MPPED2: variants seen among roughly 807,000 people sequenced by gnomAD.
MPPED2 encodes the protein metallophosphoesterase domain containing 2, also known as metallophosphoesterase MPPED2.
A neutral mutation model predicts 33.0 loss-of-function variants in MPPED2; 5 were observed. The ratio of observed to expected loss-of-function variants is 0.15; its 90% CI spans 0.08 to 0.32. The LOEUF is 0.32. Among genes scored for constraint, MPPED2 ranks in the 10% least tolerant of loss-of-function variants. MPPED2 has a pLI of 1.00. For synonymous variants in MPPED2, 136 were observed against 141.9 expected, an observed-to-expected ratio of 0.96 and a Z score of 0.29; for missense variants, 275 against 372.1, an observed-to-expected ratio of 0.74 and a Z score of 2.15.
At chr11:30,528,706 G>T (rs541501566) in intron 3 of MPPED2, among the ~76,000 whole-genome samples, 1 of 152,192 alleles carries the variant, frequency 6.6e-6, no homozygotes, top group South Asian at 2.1e-4. Context: ...TGATCCTTAG[G>T]CTTCAACCTC....
At chr11:30,497,132 A>C (rs1026059924) in intron 3 of MPPED2, among the ~76,000 whole-genome samples, 28 of 152,220 alleles carry the variant, frequency 1.8e-4, no homozygotes, top group Non-Finnish European at 2.9e-4. Context: ...GAGTTCAAAA[A>C]AGAATAGGAA....
At chr11:30,506,199 G>A (rs961414586) in intron 3 of MPPED2, among the ~76,000 whole-genome samples, 4 of 151,876 alleles carry the variant, frequency 2.6e-5, no homozygotes, top group Non-Finnish European at 5.9e-5. Flanking sequence ...CACCACCCCC[G>A]GCTAATTTTT....
chr11:30,463,711 A>T (rs1377278267), intron 4 of MPPED2, among the ~76,000 whole-genome samples: 1 of 152,244 alleles, frequency 6.6e-6, no homozygotes, highest in Non-Finnish European at 1.5e-5. Flanking sequence ...CTCTAAAGCC[A>T]TATCTACCTT....
intron 6 of MPPED2, among the ~76,000 whole-genome samples, chr11:30,396,210 G>C (rs1425544516): frequency 6.6e-6 from 1 of 152,088 alleles, no homozygotes; most frequent in African/African-American, 2.4e-5. Context: ...ATTCATTCAT[G>C]GACAATATAA....
intron 5 of MPPED2, among the ~76,000 whole-genome samples, chr11:30,416,980 T>TC (rs1948395080): frequency 6.6e-6 from 1 of 152,208 alleles, no homozygotes; most frequent in East Asian, 1.9e-4. Flanking sequence ...AGGGTAAGTA[T>TC]CCTTAAGTAA....
At chr11:30,446,631 T>C (rs1453069901) in intron 4 of MPPED2, among the ~76,000 whole-genome samples, 3 of 152,032 alleles carry the variant, frequency 2.0e-5, no homozygotes. Context: ...CAGAGCCTGC[T>C]CAGTAAAGCA....
chr11:30,522,653 A>C (rs1003886807), intron 3 of MPPED2, among the ~76,000 whole-genome samples: 3 of 152,094 alleles, frequency 2.0e-5, no homozygotes, highest in African/African-American at 7.2e-5. Flanking sequence ...CTTGGGCTCC[A>C]CTCCACTTTC....
At chr11:30,515,060 A>G (rs1027776412) in intron 3 of MPPED2, among the ~76,000 whole-genome samples, 2 of 152,164 alleles carry the variant, frequency 1.3e-5, no homozygotes, top group African/African-American at 4.8e-5. Flanking sequence ...GCACCACTGC[A>G]CTCCAGCCTG....
intron 4 of MPPED2, among the ~76,000 whole-genome samples, chr11:30,447,152 C>T (rs1241560824): frequency 1.3e-5 from 2 of 152,284 alleles, no homozygotes; most frequent in South Asian, 2.1e-4. Flanking sequence ...TCCCCTGCCC[C>T]GCAGTGCCTG....
intron 1 of MPPED2, among the ~76,000 whole-genome samples, chr11:30,582,733 C>T (rs12287499): frequency 0.044 from 6,686 of 152,234 alleles, 242 homozygotes; most frequent in African/African-American, 0.09. Context: ...CTACATGGTC[C>T]GCTTGATCCT....
intron 4 of MPPED2, among the ~76,000 whole-genome samples, chr11:30,466,262 T>G (rs1164796702): frequency 3.3e-5 from 5 of 152,244 alleles, no homozygotes; most frequent in East Asian, 3.8e-4. Context: ...CTTCCCCCTT[T>G]GAATCAGGAT....
chr11:30,389,448 G>A (rs1947743995), intron 6 of MPPED2, among the ~76,000 whole-genome samples: 1 of 152,168 alleles, frequency 6.6e-6, no homozygotes, highest in Admixed American at 6.5e-5. Context: ...ATTCTTTGTG[G>A]TCCTCCTGCT....
chr11:30,477,972 G>A (rs1951303121), intron 4 of MPPED2, among the ~76,000 whole-genome samples: 1 of 151,878 alleles, frequency 6.6e-6, no homozygotes, highest in African/African-American at 2.4e-5. Flanking sequence ...CCCTCACTCT[G>A]TGGTGGCTCT....
intron 1 of MPPED2, among the ~76,000 whole-genome samples, chr11:30,583,167 G>GTTTTTTTTTTTTTTTT: frequency 2.7e-5 from 1 of 37,140 alleles, no homozygotes; most frequent in African/African-American, 1.9e-4. Context: ...TTTTTTTTTG[G>GTTTTTTTTTTTTTTTT]TAAACTCTCA....
downstream of MPPED2, among the ~76,000 whole-genome samples, chr11:30,408,646 A>G (rs989128576): frequency 4.6e-5 from 7 of 152,160 alleles, no homozygotes; most frequent in Admixed American, 3.3e-4. Flanking sequence ...CAACTTATCC[A>G]GTCCAGACAA....
intron 3 of MPPED2, among the ~76,000 whole-genome samples, chr11:30,496,391 G>C (rs1952254901): frequency 1.3e-5 from 2 of 152,138 alleles, no homozygotes; most frequent in Non-Finnish European, 2.9e-5. Context: ...ATAGTGCCGG[G>C]CAGCTGTCCC....
At chr11:30,424,233 G>T (rs1371304388) in intron 4 of MPPED2, among the ~76,000 whole-genome samples, 2 of 152,162 alleles carry the variant, frequency 1.3e-5, no homozygotes, top group East Asian at 3.9e-4. Context: ...ATAATAGGGG[G>T]TGAAGAGAGG....
At chr11:30,408,501 G>A (rs534130824), downstream of MPPED2, among the ~76,000 whole-genome samples, 1 of 152,168 alleles carries the variant, frequency 6.6e-6, no homozygotes, top group Admixed American at 6.5e-5. Flanking sequence ...TAGTAGAGAC[G>A]GGGTTTCACC....
chr11:30,534,295 T>C (rs919891276), intron 3 of MPPED2, among the ~76,000 whole-genome samples: 2 of 152,208 alleles, frequency 1.3e-5, no homozygotes, highest in Middle Eastern at 3.4e-3. Flanking sequence ...AGTTCAAAAC[T>C]CTCAAGATTT....
Sources: gnomAD v4.1 joint callset for allele counts (sites outside exome capture counted in the v4.1 genomes callset) on GRCh38, gnomAD v4.1.1 for gene constraint, MANE v1.5 for transcripts, NCBI Gene and HGNC (gene_info 2026-07-23, HGNC 2026-07-21) for gene names.